The following CCDC28B variants were observed in gnomAD, a reference collection of about 807,000 sequenced individuals.
CCDC28B encodes coiled-coil domain containing 28B.
In CCDC28B, 17 loss-of-function variants were observed where a neutral mutation model predicts 18.7. The observed-to-expected ratio is 0.91, with a 90% CI of 0.62 to 1.36. CCDC28B has a LOEUF of 1.36. Among genes scored for constraint, CCDC28B ranks in the 40% most tolerant of loss-of-function variants. The pLI is 0.00. For synonymous variants in CCDC28B, 116 were observed against 105.1 expected (o/e 1.10, Z -0.64); for missense variants, 213 against 251.7 (o/e 0.85, Z 1.04).
In CCDC28B at chr1:32,204,111, T is replaced by C. The variant is rs1643229772; in HGVS notation, c.331+66T>C. 4 of 1,596,196 alleles carry C rather than the reference T, an allele frequency of 2.5e-6. No individual in the cohort carries two copies. The East Asian group carries it at 8.9e-5, about 36-fold the overall frequency. ...GCTGTAGGGCCCAGTCCATGGGGCATGGCTGGGACCATGGTTCCAGGGTTC... is the reference window on the plus strand; with the variant it reads ...GCTGTAGGGCCCAGTCCATGGGGCACGGCTGGGACCATGGTTCCAGGGTTC... On this transcript the variant is annotated intron_variant, in intron 3 of 5. Transcript: ENST00000373602.
chr1:32,200,898 C>A (rs1205641313), intron 1 of CCDC28B, among the ~76,000 whole-genome samples, 189 bp downstream of exon 1: 1 of 152,210 alleles, frequency 6.6e-6, no homozygotes, highest in East Asian at 1.9e-4. Flanking sequence ...GTTCTTCTAT[C>A]AGGTCCCTAA....
rs1020083515 is a variant in CCDC28B, at chr1:32,204,116, G to A, written c.332-70G>A. On this transcript the variant is annotated intron_variant, in intron 3 of 5. Coordinates refer to ENST00000373602, the MANE Select transcript of CCDC28B (RefSeq NM_024296.5). ...AGGGCCCAGTCCATGGGGCATGGCT[G>A]GGACCATGGTTCCAGGGTTCCAGGG... 9 of 1,602,340 alleles carry A rather than the reference G, an allele frequency of 5.6e-6. No individual in the cohort carries two copies. In the African/African-American group the frequency reaches 8.0e-5, roughly 14 times the overall value.
At position 32,205,068 on chromosome 1, in the gene CCDC28B, C is replaced by T; in HGVS notation, c.549-126C>T. Reference sequence around the variant, plus strand: ...GCAGGCGGGGACTGCAACCTCAGTCCACAGACGGCCCGAGACCCTCGTCCC... The same window carrying T: ...GCAGGCGGGGACTGCAACCTCAGTCTACAGACGGCCCGAGACCCTCGTCCC... On this transcript the variant is annotated intron_variant, in intron 5 of 5. Coordinates refer to ENST00000373602, the MANE Select transcript of CCDC28B (RefSeq NM_024296.5). The surrounding 1 kb of genome is among the most constrained non-coding windows in gnomAD (Gnocchi z 5.6). The T allele has an allele frequency of 7.8e-7, 1 of 1,279,932 alleles. No homozygotes were observed. Among genetic ancestry groups the T allele is most frequent in the South Asian group, 1.5e-5 (1 of 67,886 alleles). 79.3% of individuals were successfully genotyped at this position (1,279,932 alleles called of 1,614,324 possible). A position where few individuals can be genotyped will look rare whatever the true frequency, so the allele number is the denominator to read the frequency against.
Position 32,205,153 on chromosome 1 carries a change from GA to G in CCDC28B, c.549-39del. On this transcript the variant is annotated intron_variant, in intron 5 of 5. Transcript: ENST00000373602. This position sits in a 1 kb window ranked among gnomAD's most constrained non-coding sequence, Gnocchi z 5.6. The stretch of plus-strand genomic sequence containing the variant: ...GCAAGATGGGAGACCGGGGTGGGAG[GA>G]AGGACTGGTCCAAAGCGCCACGATC... 6.2e-7 allele frequency: 1 copy of G among 1,610,218 alleles called. No individual in the cohort carries two copies. The highest frequency in any genetic ancestry group is 1.7e-5 in the Admixed American group (1 of 59,648).
intron 4 of CCDC28B, 96 bp downstream of exon 4, chr1:32,204,475 G>T: frequency 6.6e-7 from 1 of 1,511,724 alleles, no homozygotes; most frequent in Non-Finnish European, 8.9e-7. Context: ...GTGAAAAGGT[G>T]GGAGTGCATG....
In CCDC28B at chr1:32,205,025, GA is replaced by G. The variant is rs1643276719; in HGVS notation, c.549-168del. ...CTGACCTGCACGATCTGGATGAAGA[GA>G]GAGGGGGTGAGAGAGGGCAGGCGGG... On this transcript the variant is annotated intron_variant, in intron 5 of 5. Coordinates refer to ENST00000373602, the MANE Select transcript of CCDC28B (RefSeq NM_024296.5). The surrounding 1 kb of genome is among the most constrained non-coding windows in gnomAD (Gnocchi z 5.6). 8.6e-7 allele frequency: 1 copy of G among 1,161,134 alleles called. No homozygotes were observed. The highest frequency in any genetic ancestry group is 1.6e-5 in the African/African-American group (1 of 64,294). 71.9% of individuals were successfully genotyped at this position (1,161,134 alleles called of 1,614,324 possible).
chr1:32,204,433 T>A, intron 4 of CCDC28B, 54 bp downstream of exon 4: 1 of 1,528,608 alleles, frequency 6.5e-7, no homozygotes. Context: ...GTGGAGAAGG[T>A]ACATACTCCC....
At chr1:32,202,710 A>AG (rs1335876660) in intron 2 of CCDC28B, 1 of 164,144 alleles carries the variant, frequency 6.1e-6, no homozygotes, top group Non-Finnish European at 1.3e-5. Context: ...CTGGGAAGGC[A>AG]GGAGGGCCAG....
Position 32,205,266 on chromosome 1 carries a change from A to C in CCDC28B, c.*18A>C. ...CTGCGTAGGCGTCCCACGCAGGCCC[A>C]CACTGCCCCTCTCATTCTCTTCAAA... On this transcript the variant is annotated 3_prime_UTR_variant, in exon 6 of 6. Coordinates refer to ENST00000373602, the MANE Select transcript of CCDC28B (RefSeq NM_024296.5). The surrounding 1 kb of genome is among the most constrained non-coding windows in gnomAD (Gnocchi z 5.6). The C allele has an allele frequency of 6.2e-7, 1 of 1,604,160 alleles. No individual in the cohort carries two copies. Among genetic ancestry groups the C allele is most frequent in the Non-Finnish European group, 8.5e-7 (1 of 1,173,788 alleles).
Position 32,204,013 on chromosome 1 carries a change from A to G in CCDC28B, c.299A>G (p.Asn100Ser), listed in dbSNP as rs775797765. The change falls in exon 3 of 6, where the codon AAT becomes AGT. Residue 100 changes from asparagine to serine, a missense_variant. By Grantham distance (46) the Asn-to-Ser change is conservative. Coordinates refer to ENST00000373602, the MANE Select transcript of CCDC28B (RefSeq NM_024296.5). Reference protein sequence around the residue: ...EMEGGLLNLLNDFHSGRLQAF... With the variant: ...EMEGGLLNLLSDFHSGRLQAF... Reference sequence around the variant, plus strand: ...GAGGGGGGACTCCTGAACCTGCTCAATGATTTCCACTCTGGCCGGCTGCAG... The same window carrying G: ...GAGGGGGGACTCCTGAACCTGCTCAGTGATTTCCACTCTGGCCGGCTGCAG... 32 of 1,560,252 alleles carry G rather than the reference A, an allele frequency of 2.1e-5. No individual in the cohort carries two copies. The highest frequency in any genetic ancestry group is 9.7e-5 in the Admixed American group (5 of 51,478).
At position 32,204,266 on chromosome 1, in the gene CCDC28B, G is replaced by A; in HGVS notation, c.412G>A (p.Val138Met). The A allele has an allele frequency of 1.9e-6, 3 of 1,614,120 alleles. No homozygotes were observed. Among genetic ancestry groups the A allele is most frequent in the Non-Finnish European group, 1.7e-6 (2 of 1,180,002 alleles). ...KLARLHFSLD[V>M]CGEEEDDEEE... is the part of the protein sequence containing the mutation. ...AGCCCGGCTGCACTTCAGCCTGGAT[G>A]TGTGTGGGGAGGAGGAGGACGATGA... Residue 138 changes from valine to methionine, a missense_variant, in exon 4 of 6, where the codon GTG (valine) becomes ATG (methionine). Physicochemically the swap from Val to Met is conservative, Grantham distance 21. Coordinates refer to ENST00000373602, the MANE Select transcript of CCDC28B (RefSeq NM_024296.5).
chr1:32,202,814 T>C (rs1002880861), intron 2 of CCDC28B: 3 of 155,876 alleles, frequency 1.9e-5, no homozygotes, highest in African/African-American at 7.2e-5. Flanking sequence ...CTATGTATTT[T>C]TGTTTTTGTT....
chr1:32,204,526 G>A (rs1445852205), intron 4 of CCDC28B, 72 bp from the exon 5 acceptor site: 35 of 1,518,082 alleles, frequency 2.3e-5, no homozygotes, highest in Non-Finnish European at 3.1e-5. Context: ...CCAGAAGATA[G>A]CCCCCAGAGC....
rs1185919116 is a variant in CCDC28B, at chr1:32,205,178, T to C, written c.549-16T>C. ...GAAGGACTGGTCCAAAGCGCCACGATCCTTGACGGGCACAGCCAGAAGCTG... is the reference window on the plus strand; with the variant it reads ...GAAGGACTGGTCCAAAGCGCCACGACCCTTGACGGGCACAGCCAGAAGCTG... On this transcript the variant is annotated splice_polypyrimidine_tract_variant and intron_variant, in intron 5 of 5. Coordinates refer to ENST00000373602, the MANE Select transcript of CCDC28B (RefSeq NM_024296.5). The surrounding 1 kb of genome is among the most constrained non-coding windows in gnomAD (Gnocchi z 5.6). The C allele has an allele frequency of 6.2e-7, 1 of 1,613,456 alleles. No homozygotes were observed. The highest frequency in any genetic ancestry group is 8.5e-7 in the Non-Finnish European group (1 of 1,179,778).
At chr1:32,202,173 G>A (rs773534370) in intron 2 of CCDC28B, 74 bp downstream of exon 2, 4 of 1,573,524 alleles carry the variant, frequency 2.5e-6, no homozygotes, top group African/African-American at 1.3e-5. Context: ...GGCAAGGGGG[G>A]CCTCCGCCTT....
At chr1:32,199,583 G>A (rs953095817), upstream of CCDC28B, among the ~76,000 whole-genome samples, 5 of 152,132 alleles carry the variant, frequency 3.3e-5, no homozygotes, top group South Asian at 2.1e-4. Flanking sequence ...GAAAAAGTTC[G>A]GAATTACTCT....
chr1:32,202,032 C>T lies in CCDC28B; in HGVS notation c.97C>T (p.His33Tyr). 6.2e-7 allele frequency: 1 copy of T among 1,614,020 alleles called. No individual in the cohort carries two copies. Among genetic ancestry groups the T allele is most frequent in the Non-Finnish European group, 8.5e-7 (1 of 1,179,998 alleles). ...TLRRVPVPTS[H>Y]SGSLALGLPH... ...ACGGAGGGTCCCTGTGCCTACCAGC[C>T]ACAGCGGCTCCTTGGCCCTAGGACT... Residue 33 changes from histidine to tyrosine, a missense_variant, in exon 2 of 6, where the codon CAC becomes TAC. By Grantham distance (83) the His-to-Tyr change is moderately conservative. Coordinates refer to ENST00000373602, the MANE Select transcript of CCDC28B (RefSeq NM_024296.5).
chr1:32,204,676 T>C (rs1643262385), intron 5 of CCDC28B, 56 bp downstream of exon 5: 13 of 1,613,988 alleles, frequency 8.1e-6, no homozygotes, highest in Non-Finnish European at 1.1e-5. Context: ...GTCAGTTTCC[T>C]CCTCTCCAGC....
upstream of CCDC28B, among the ~76,000 whole-genome samples, chr1:32,198,517 A>G (rs573671187): frequency 1.3e-5 from 2 of 152,300 alleles, no homozygotes; most frequent in East Asian, 3.9e-4. Flanking sequence ...CTTGCCTCAG[A>G]GAGGATCACA....
Sources: gnomAD v4.1 joint callset for allele counts (sites outside exome capture counted in the v4.1 genomes callset) on GRCh38, gnomAD v4.1.1 for gene constraint, Gnocchi (gnomAD v3.1) non-coding constraint, MANE v1.5 for transcripts, NCBI Gene and HGNC (gene_info 2026-07-23, HGNC 2026-07-21) for gene names.